The following MSRA variants were observed in gnomAD, a reference collection of about 807,000 sequenced individuals.
MSRA encodes the protein mitochondrial peptide methionine sulfoxide reductase.
Under a neutral mutation model 31.3 loss-of-function variants are expected in MSRA, and 54 were observed. That is an observed-to-expected ratio of 1.73 (90% CI 1.39 to 2.17). MSRA has a LOEUF of 2.17. MSRA is among the 30% of genes most tolerant of loss of function. The pLI is 0.00. For missense variants in MSRA, 507 were observed against 300.9 expected (o/e 1.69, Z -5.07); for synonymous variants, 169 against 116.5 (o/e 1.45, Z -2.90).
At chr8:10,197,572 A>G (rs1808103291) in intron 1 of MSRA, among the ~76,000 whole-genome samples, 1 of 152,182 alleles carries the variant, frequency 6.6e-6, no homozygotes, top group Non-Finnish European at 1.5e-5. Context: ...AGCACTGTGC[A>G]AATACCAGTG....
At chr8:10,335,125 C>G (rs1802952472) in intron 5 of MSRA, among the ~76,000 whole-genome samples, 1 of 152,194 alleles carries the variant, frequency 6.6e-6, no homozygotes, top group Non-Finnish European at 1.5e-5. Flanking sequence ...ACCCAGCTGT[C>G]CAGAAACGGT....
intron 5 of MSRA, among the ~76,000 whole-genome samples, chr8:10,408,149 G>C (rs1053163007): frequency 7.9e-5 from 12 of 152,204 alleles, no homozygotes; most frequent in Non-Finnish European, 1.5e-4. Flanking sequence ...CAGGGAGAAA[G>C]GGTCGCATCC....
At chr8:10,128,095 A>C (rs1309152229) in intron 1 of MSRA, among the ~76,000 whole-genome samples, 2 of 152,080 alleles carry the variant, frequency 1.3e-5, no homozygotes, top group Admixed American at 6.5e-5. Flanking sequence ...GTTTCTGTCT[A>C]GGCCAGGTGC....
intron 5 of MSRA, among the ~76,000 whole-genome samples, chr8:10,399,275 C>G (rs146246383): frequency 2.6e-4 from 39 of 152,324 alleles, no homozygotes; most frequent in African/African-American, 8.9e-4. Flanking sequence ...TGAGCATGGT[C>G]TACTGTAGTA....
rs752892918 is a variant in MSRA at position 10,054,619 on chromosome 8, G to C, written c.103G>C (p.Glu35Gln). 5 of 1,577,716 alleles carry C rather than the reference G, an allele frequency of 3.2e-6. No individual in the cohort carries two copies. Among genetic ancestry groups the C allele is most frequent in the African/African-American group, 1.4e-5 (1 of 71,404 alleles). ...NSASNIVSPQ[E>Q]ALPGRKEQTP... The stretch of plus-strand genomic sequence containing the variant: ...GGCCTCGAACATCGTCAGCCCCCAG[G>C]AGGCCTTGCCGGGCCGGAAGGAACA... Residue 35 changes from glutamate (E) to glutamine (Q), a missense_variant, in exon 1 of 6, where the codon GAG becomes CAG. By Grantham distance (29) the Glu-to-Gln change is conservative (BLOSUM62 2). Coordinates refer to ENST00000317173, the MANE Select transcript of MSRA (RefSeq NM_012331.5).
intron 5 of MSRA, among the ~76,000 whole-genome samples, chr8:10,324,567 G>T (rs1181214743): frequency 6.6e-6 from 1 of 152,142 alleles, no homozygotes; most frequent in Non-Finnish European, 1.5e-5. Flanking sequence ...GTGTCTCTTT[G>T]TGTACCCCAT....
chr8:10,060,738 C>G (rs556136173), intron 1 of MSRA, among the ~76,000 whole-genome samples: 24 of 151,122 alleles, frequency 1.6e-4, no homozygotes, highest in African/African-American at 5.8e-4. Context: ...ATTGAAAAAT[C>G]AAAATTTAGA....
chr8:10,249,034 G>A (rs1006710019), intron 3 of MSRA, among the ~76,000 whole-genome samples: 1 of 152,132 alleles, frequency 6.6e-6, no homozygotes, highest in Admixed American at 6.5e-5. Context: ...TAGGAGGTTG[G>A]TGAGCTAGAA....
At chr8:10,355,138 C>G (rs1804433216) in intron 5 of MSRA, among the ~76,000 whole-genome samples, 1 of 152,216 alleles carries the variant, frequency 6.6e-6, no homozygotes, top group African/African-American at 2.4e-5. Context: ...CGTGCACCTC[C>G]TTTATCAGCC....
chr8:10,178,295 C>T (rs879296603), intron 1 of MSRA, among the ~76,000 whole-genome samples: 1 of 152,046 alleles, frequency 6.6e-6, no homozygotes, highest in Non-Finnish European at 1.5e-5. Flanking sequence ...AGCTGCTTAA[C>T]ATTAACATTC....
chr8:10,185,873 A>G (rs1160090867), intron 1 of MSRA, among the ~76,000 whole-genome samples: 1 of 151,024 alleles, frequency 6.6e-6, no homozygotes, highest in Non-Finnish European at 1.5e-5. Context: ...ACAGCTCCAT[A>G]AGATAGGGGT....
intron 5 of MSRA, among the ~76,000 whole-genome samples, chr8:10,426,091 G>C (rs1809142468): frequency 6.6e-6 from 1 of 152,172 alleles, no homozygotes; most frequent in Non-Finnish European, 1.5e-5. Context: ...ACAGGCAAAT[G>C]CTAGCGATGG....
intron 1 of MSRA, among the ~76,000 whole-genome samples, chr8:10,067,443 C>T (rs957669479): frequency 2.0e-5 from 3 of 152,194 alleles, no homozygotes; most frequent in Admixed American, 1.3e-4. Context: ...GCATCACTTA[C>T]ATGGGGATCT....
chr8:10,273,120 T>G (rs1197282418), intron 3 of MSRA, among the ~76,000 whole-genome samples: 1 of 152,238 alleles, frequency 6.6e-6, no homozygotes, highest in African/African-American at 2.4e-5. Flanking sequence ...ACTACAGATA[T>G]GATAAAATTA....
At chr8:10,185,037 C>T (rs1227000326) in intron 1 of MSRA, among the ~76,000 whole-genome samples, 2 of 152,194 alleles carry the variant, frequency 1.3e-5, no homozygotes, top group African/African-American at 4.8e-5. Flanking sequence ...GTTCTTTCCT[C>T]ATGCCTTCTG....
chr8:10,297,250 C>T (rs1168269411), intron 3 of MSRA, among the ~76,000 whole-genome samples: 1 of 152,142 alleles, frequency 6.6e-6, no homozygotes, highest in Non-Finnish European at 1.5e-5. Flanking sequence ...AACCCCTCTC[C>T]ATTTGTTCAT....
Position 10,338,322 on chromosome 8 carries a change from A to G in MSRA, c.543+18333A>G, listed in dbSNP as rs538469396. On this transcript the variant is annotated intron_variant, in intron 5 of 5. Transcript: ENST00000317173. Reference sequence around the variant, plus strand: ...AAGTTGAAATCCTAAAGCAGGGAATAGAAAGGCCAGAGGCCAGGGTGGAGT... The same window carrying G: ...AAGTTGAAATCCTAAAGCAGGGAATGGAAAGGCCAGAGGCCAGGGTGGAGT... Among the ~76,000 whole-genome samples the G allele has an allele frequency of 3.3e-5, 5 of 152,334 alleles. No individual in the cohort carries two copies. In the South Asian group the frequency reaches 1.0e-3, roughly 32 times the overall value.
chr8:10,278,898 A>T (rs1799468100), intron 3 of MSRA, among the ~76,000 whole-genome samples: 1 of 152,184 alleles, frequency 6.6e-6, no homozygotes, highest in African/African-American at 2.4e-5. Context: ...TGGAGCTGTA[A>T]GTCTTACTGG....
At chr8:10,293,975 G>T (rs558776789) in intron 3 of MSRA, among the ~76,000 whole-genome samples, 8 of 152,248 alleles carry the variant, frequency 5.3e-5, no homozygotes, top group South Asian at 2.1e-4. Context: ...AGGCCGAGGT[G>T]GGAGGATCAC....
Sources: allele counts gnomAD v4.1 joint callset (sites outside exome capture counted in the v4.1 genomes callset), GRCh38; gene constraint gnomAD v4.1.1; transcripts MANE v1.5; gene names NCBI Gene and HGNC (gene_info 2026-07-23, HGNC 2026-07-21).